CCNB2: variants seen among roughly 807,000 people sequenced by gnomAD.
CCNB2 encodes G2/mitotic-specific cyclin-B2.
CCNB2 carries 39 observed loss-of-function variants against 51.1 expected under a neutral mutation model. That is an observed-to-expected ratio of 0.76 (90% CI 0.59 to 1.00). The LOEUF is 1.00. Ranked by LOEUF, CCNB2 falls within the 50% of genes least tolerant of loss-of-function variation. The pLI, the probability that CCNB2 is intolerant of heterozygous loss-of-function variation, is 0.00. For synonymous variants in CCNB2, 174 were observed against 165.5 expected (o/e 1.05, Z -0.40); for missense variants, 472 against 470.3 (o/e 1.00, Z -0.03).
chr15:59,110,378 C>G (rs2079253088), intron 3 of CCNB2, among the ~76,000 whole-genome samples: 1 of 152,190 alleles, frequency 6.6e-6, no homozygotes, highest in African/African-American at 2.4e-5. Flanking sequence ...ATTTCCAATT[C>G]AAATACATTT....
chr15:59,117,253 C>T lies in CCNB2; in HGVS notation c.860C>T (p.Ala287Val). The change falls in exon 7 of 9, where the codon GCC becomes GTC. Residue 287 changes from alanine to valine, a missense_variant. Physicochemically the swap from Ala to Val is moderately conservative, Grantham distance 64. Transcript: ENST00000288207. ...GEVDVEQHTL[A>V]KYLMELTLID... ...GTTGATGTTGAACAGCACACTTTAGCCAAGTATTTGATGGAGCTGACTCTC... is the reference window on the plus strand; with the variant it reads ...GTTGATGTTGAACAGCACACTTTAGTCAAGTATTTGATGGAGCTGACTCTC... The T allele has an allele frequency of 6.2e-7, 1 of 1,613,054 alleles. No individual in the cohort carries two copies. Among genetic ancestry groups the T allele is most frequent in the Non-Finnish European group, 8.5e-7 (1 of 1,179,936 alleles).
intron 3 of CCNB2, 68 bp downstream of exon 3, chr15:59,107,738 C>A: frequency 8.5e-7 from 1 of 1,179,676 alleles, no homozygotes; most frequent in Non-Finnish European, 1.3e-6. Context: ...TACAAGGGTG[C>A]CTTTATCATT....
chr15:59,109,144 G>A (rs996051564), intron 3 of CCNB2, among the ~76,000 whole-genome samples: 6 of 152,108 alleles, frequency 3.9e-5, no homozygotes, highest in African/African-American at 1.4e-4. Flanking sequence ...TCCGCCTCCC[G>A]GGTTCAAGCG....
At chr15:59,111,077 A>C (rs570404010) in intron 3 of CCNB2, among the ~76,000 whole-genome samples, 1 of 152,352 alleles carries the variant, frequency 6.6e-6, no homozygotes, top group African/African-American at 2.4e-5. Context: ...TGACCAGATG[A>C]GTAGGATCTT....
chr15:59,117,038 T>TA (rs2079282145), intron 6 of CCNB2, 112 bp downstream of exon 6: 2 of 1,024,344 alleles, frequency 2.0e-6, no homozygotes, highest in Non-Finnish European at 2.9e-6. Context: ...AGGTAAGTCT[T>TA]AATGCTTTCC....
Position 59,107,670 on chromosome 15 carries a change from G to A in CCNB2, c.267G>A (p.Lys89=), listed in dbSNP as rs35033821. 9.0e-3 allele frequency: 14,554 copies of A among 1,611,998 alleles called. 82 individuals are homozygous for A. The highest frequency in any genetic ancestry group is 0.011 in the Non-Finnish European group (13,528 of 1,178,562). ...TACAGATGGAAAAGTTGGCTCCAAA[G>A]GTAGGAAGTTCTGAATTTACAAACG... is the stretch of plus-strand genomic sequence containing the variant. ...KPVQMEKLAP[K]GPSPTPEDVS... Residue 89 remains lysine (K), a splice_region_variant and synonymous_variant, in exon 3 of 9, where the codon AAG becomes AAA. Coordinates refer to ENST00000288207, the MANE Select transcript of CCNB2 (RefSeq NM_004701.4).
chr15:59,124,141 A>C (rs2079315071), intron 8 of CCNB2: 1 of 164,894 alleles, frequency 6.1e-6, no homozygotes, highest in African/African-American at 2.4e-5. Flanking sequence ...TCCTGAGGGC[A>C]TGGTGTCTAT....
intron 3 of CCNB2, among the ~76,000 whole-genome samples, chr15:59,112,478 G>A (rs1281899984): frequency 6.6e-6 from 1 of 151,724 alleles, no homozygotes; most frequent in Non-Finnish European, 1.5e-5. Context: ...CTGAGTAGCT[G>A]GGATTACAGG....
intron 7 of CCNB2, 104 bp from the exon 8 acceptor site, chr15:59,123,413 T>G: frequency 1.5e-6 from 1 of 677,954 alleles, no homozygotes. Flanking sequence ...TTGTACAGCT[T>G]TTACATAAGT....
At chr15:59,113,340 G>C (rs1397879312) in intron 3 of CCNB2, among the ~76,000 whole-genome samples, 1 of 152,194 alleles carries the variant, frequency 6.6e-6, no homozygotes, top group African/African-American at 2.4e-5. Context: ...ATCAGCTCCA[G>C]TAATCTTTGA....
intron 8 of CCNB2, chr15:59,123,861 A>T (rs1322382076): frequency 2.3e-6 from 1 of 437,728 alleles, no homozygotes; most frequent in Non-Finnish European, 4.2e-6. Context: ...AGCCATGTCC[A>T]GGCCCAGATC....
chr15:59,107,711 C>G (rs201973541), intron 3 of CCNB2, 41 bp downstream of exon 3: 8 of 1,514,082 alleles, frequency 5.3e-6, no homozygotes, highest in East Asian at 2.2e-5. Flanking sequence ...AATGAGGTAG[C>G]CTGTTTTTAG....
At chr15:59,113,703 C>A (rs1854110606) in intron 3 of CCNB2, among the ~76,000 whole-genome samples, 1 of 151,952 alleles carries the variant, frequency 6.6e-6, no homozygotes, top group Non-Finnish European at 1.5e-5. Flanking sequence ...GGATTGGAGG[C>A]AGGTGATAAT....
At chr15:59,106,795 G>A (rs954917776) in intron 1 of CCNB2, among the ~76,000 whole-genome samples, 51 of 152,192 alleles carry the variant, frequency 3.4e-4, no homozygotes, top group African/African-American at 1.2e-3. Flanking sequence ...ATGCATACAG[G>A]AGCATTTCTT....
At chr15:59,110,579 T>G (rs2079253729) in intron 3 of CCNB2, among the ~76,000 whole-genome samples, 1 of 152,172 alleles carries the variant, frequency 6.6e-6, no homozygotes, top group African/African-American at 2.4e-5. Flanking sequence ...GCCACTTGAG[T>G]GCACAGGTTT....
chr15:59,124,959 T>A lies in CCNB2; in HGVS notation c.*82T>A. On this transcript the variant is annotated 3_prime_UTR_variant, in exon 9 of 9. Coordinates refer to ENST00000288207, the MANE Select transcript of CCNB2 (RefSeq NM_004701.4). ...GAACTCTTGATTTTGTACATAGTCC[T>A]CTGGTCTATCTCATGAAACCTCTTC... The A allele has an allele frequency of 2.7e-6, 2 of 733,508 alleles. No homozygotes were observed. Among genetic ancestry groups the A allele is most frequent in the Non-Finnish European group, 4.3e-6 (2 of 463,534 alleles). The allele number at this position is 733,508 out of a possible 1,614,324, so 45.4% of individuals were successfully genotyped here. A position where few individuals can be genotyped will look rare whatever the true frequency, so the allele number is the denominator to read the frequency against.
intron 3 of CCNB2, among the ~76,000 whole-genome samples, chr15:59,112,272 GT>G (rs1241916944): frequency 6.6e-6 from 1 of 151,790 alleles, no homozygotes; most frequent in Non-Finnish European, 1.5e-5. Context: ...CTGTTTTTTT[GT>G]TTTGTTATTG....
Position 59,117,208 on chromosome 15 carries a change from C to T in CCNB2, c.835-20C>T. The T allele has an allele frequency of 6.2e-7, 1 of 1,608,908 alleles. No individual in the cohort carries two copies. Among genetic ancestry groups the T allele is most frequent in the East Asian group, 2.2e-5 (1 of 44,780 alleles). On this transcript the variant is annotated intron_variant, in intron 6 of 8. Coordinates refer to ENST00000288207, the MANE Select transcript of CCNB2 (RefSeq NM_004701.4). ...TAATTACACTTGTGATTCTTACTAT[C>T]CCTTGCTGTTCTTTCTTAGGTTGAT...
At chr15:59,119,469 A>AAAAC (rs1555405195) in intron 7 of CCNB2, among the ~76,000 whole-genome samples, 1 of 151,040 alleles carries the variant, frequency 6.6e-6, no homozygotes, top group Non-Finnish European at 1.5e-5. Flanking sequence ...CCAAAAAAAA[A>AAAAC]AAAAAAAACA....
Sources: allele counts gnomAD v4.1 joint callset (sites outside exome capture counted in the v4.1 genomes callset), GRCh38; gene constraint gnomAD v4.1.1; transcripts MANE v1.5; gene names NCBI Gene and HGNC (gene_info 2026-07-23, HGNC 2026-07-21).